Variants in PHACTR1 observed in about 807,000 individuals in gnomAD.
PHACTR1 encodes the protein phosphatase and actin regulator 1, also known as RPEL repeat containing 1.
A neutral mutation model predicts 69.2 loss-of-function variants in PHACTR1; 16 were observed. The ratio of observed to expected loss-of-function variants is 0.23; its 90% CI spans 0.16 to 0.35. The LOEUF (loss-of-function observed/expected upper bound fraction) is 0.35. Ranked by LOEUF, PHACTR1 falls within the 10% of genes least tolerant of loss-of-function variation. The pLI, the probability that PHACTR1 is intolerant of heterozygous loss-of-function variation, is 1.00. For synonymous variants in PHACTR1, 312 were observed against 284.5 expected, an observed-to-expected ratio of 1.10 and a Z score of -0.97; for missense variants, 510 against 734.7, an observed-to-expected ratio of 0.69 and a Z score of 3.54.
Position 13,245,220 on chromosome 6 carries a change from G to A in PHACTR1, c.1391+15027G>A, listed in dbSNP as rs370894385. On this transcript the variant is annotated intron_variant, in intron 10 of 14. Transcript: ENST00000332995. This position sits in a 1 kb window ranked among gnomAD's most constrained non-coding sequence, Gnocchi z 4.1. ...TACCCAGTAACGGGATTGCAAGGTCGACGGGTAATTCTGTTTTAAGTTCTT... is the reference window on the plus strand; with the variant it reads ...TACCCAGTAACGGGATTGCAAGGTCAACGGGTAATTCTGTTTTAAGTTCTT... Among the ~76,000 whole-genome samples the A allele has an allele frequency of 1.8e-4, 27 of 152,186 alleles. No homozygotes were observed. Among genetic ancestry groups the A allele is most frequent in the African/African-American group, 3.6e-4 (15 of 41,432 alleles).
At chr6:13,184,648 C>T (rs1318140601) in intron 7 of PHACTR1, 2 of 448,902 alleles carry the variant, frequency 4.5e-6, no homozygotes, top group Non-Finnish European at 8.0e-6. Flanking sequence ...TTCTGGCCTC[C>T]TCGCTGTAGC....
At chr6:12,858,179 C>T (rs1256777583) in intron 4 of PHACTR1, among the ~76,000 whole-genome samples, 4 of 152,262 alleles carry the variant, frequency 2.6e-5, no homozygotes, top group East Asian at 1.9e-4. Flanking sequence ...AGGGACCTCA[C>T]GAGGTGACAT....
chr6:13,247,355 G>A (rs955945868), intron 10 of PHACTR1, among the ~76,000 whole-genome samples: 2 of 151,380 alleles, frequency 1.3e-5, no homozygotes, highest in Non-Finnish European at 2.9e-5. Context: ...GTGTGTGTGT[G>A]TGTGTGTGTG....
chr6:13,137,176 A>G (rs964449955), intron 5 of PHACTR1, among the ~76,000 whole-genome samples: 6 of 152,214 alleles, frequency 3.9e-5, no homozygotes, highest in Non-Finnish European at 5.9e-5. Context: ...ATTGGGGCAA[A>G]TTAGTCACTA....
chr6:13,067,174 T>C (rs955644008), intron 5 of PHACTR1, among the ~76,000 whole-genome samples: 5 of 152,242 alleles, frequency 3.3e-5, no homozygotes, highest in African/African-American at 1.2e-4. Flanking sequence ...GTATGAAATA[T>C]ACTTGACCCT....
Position 12,901,637 on chromosome 6 carries a change from G to A in PHACTR1, c.251-151728G>A, listed in dbSNP as rs573269091. 1.6e-3 allele frequency among the ~76,000 whole-genome samples: 250 copies of A among 152,222 alleles called. 2 individuals carry two copies. Among genetic ancestry groups the A allele is most frequent in the African/African-American group, 5.9e-3 (243 of 41,524 alleles). Reference sequence around the variant, plus strand: ...AGCCTCCCGAGTAGCTGGGATTACCGGCGCCCGCCACCATGCCTGACTAAT... The same window carrying A: ...AGCCTCCCGAGTAGCTGGGATTACCAGCGCCCGCCACCATGCCTGACTAAT... On this transcript the variant is annotated intron_variant, in intron 4 of 14. Transcript: ENST00000332995.
intron 4 of PHACTR1, among the ~76,000 whole-genome samples, chr6:13,003,492 G>A (rs1380338596): frequency 6.6e-6 from 1 of 152,074 alleles, no homozygotes; most frequent in African/African-American, 2.4e-5. Context: ...TAGATAGATG[G>A]ATAGATAGAT....
At chr6:13,024,697 C>T (rs1354677970) in intron 4 of PHACTR1, among the ~76,000 whole-genome samples, 1 of 152,138 alleles carries the variant, frequency 6.6e-6, no homozygotes, top group African/African-American at 2.4e-5. Flanking sequence ...ATTATTCATG[C>T]ACTATTAAGC....
chr6:13,189,546 A>G (rs1763236106), intron 7 of PHACTR1, among the ~76,000 whole-genome samples: 1 of 151,916 alleles, frequency 6.6e-6, no homozygotes, highest in African/African-American at 2.4e-5. Context: ...CTACAGGCAC[A>G]TGCCACCACG....
chr6:12,967,580 C>T (rs2127576684), intron 4 of PHACTR1, among the ~76,000 whole-genome samples: 1 of 152,324 alleles, frequency 6.6e-6, no homozygotes, highest in East Asian at 1.9e-4. Context: ...AACTGTAACT[C>T]TTAGGTGAGT....
At chr6:13,009,860 GCCACCACCA>G (rs142689950) in intron 4 of PHACTR1, among the ~76,000 whole-genome samples, 102 of 145,598 alleles carry the variant, frequency 7.0e-4, no homozygotes, top group African/African-American at 2.5e-3. Flanking sequence ...TCCCTACACT[GCCACCACCA>G]CCACCACCAC....
chr6:12,856,255 C>T (rs71552720), intron 4 of PHACTR1, among the ~76,000 whole-genome samples: 11,429 of 135,534 alleles, frequency 0.084, 703 homozygotes, highest in African/African-American at 0.15. Flanking sequence ...TTCTTTCTTT[C>T]TTTTTTTTTT....
intron 4 of PHACTR1, among the ~76,000 whole-genome samples, chr6:12,881,940 A>T (rs1372847469): frequency 6.6e-6 from 1 of 152,178 alleles, no homozygotes. Flanking sequence ...GAAGTCAGAG[A>T]GGTGGGAAAT....
intron 4 of PHACTR1, among the ~76,000 whole-genome samples, chr6:12,757,772 A>G (rs6935071): frequency 1 from 151,834 of 152,244 alleles, 75,713 homozygotes; most frequent in Middle Eastern, 1. Flanking sequence ...AGAGAAAGAC[A>G]TGTCAAGTGT....
intron 4 of PHACTR1, among the ~76,000 whole-genome samples, chr6:12,799,713 A>G (rs1773479669): frequency 6.6e-6 from 1 of 152,218 alleles, no homozygotes; most frequent in African/African-American, 2.4e-5. Context: ...GTTAGACTTT[A>G]TGAAAATCTA....
At chr6:13,114,243 T>C (rs75898053) in intron 5 of PHACTR1, among the ~76,000 whole-genome samples, 60 of 150,506 alleles carry the variant, frequency 4.0e-4, no homozygotes, top group Non-Finnish European at 7.0e-4. Flanking sequence ...AATACAGTTA[T>C]TTTTTTTTTC....
intron 4 of PHACTR1, among the ~76,000 whole-genome samples, chr6:12,819,989 T>C (rs1438268774): frequency 6.6e-6 from 1 of 152,152 alleles, no homozygotes; most frequent in African/African-American, 2.4e-5. Context: ...ACTCATTTCC[T>C]AGGAAACAAC....
At chr6:13,046,809 TAA>T (rs5874398) in intron 4 of PHACTR1, among the ~76,000 whole-genome samples, 251 of 146,172 alleles carry the variant, frequency 1.7e-3, no homozygotes, top group South Asian at 4.1e-3. Context: ...TTTTACTCTT[TAA>T]AAAAAAAAAA....
rs985092492 is a variant in PHACTR1, at chr6:12,882,704, C to T, written c.250+132914C>T. On this transcript the variant is annotated intron_variant, in intron 4 of 14. Coordinates refer to ENST00000332995, the MANE Select transcript of PHACTR1 (RefSeq NM_030948.6). Reference sequence around the variant, plus strand: ...AGACTAGCCCCCAGGTTGGAGCAAACCCTATCGCCCTTCTGGAAGGGTGGC... The same window carrying T: ...AGACTAGCCCCCAGGTTGGAGCAAATCCTATCGCCCTTCTGGAAGGGTGGC... Among the ~76,000 whole-genome samples the T allele has an allele frequency of 1.3e-4, 20 of 152,210 alleles. No homozygotes were observed. In the East Asian group the frequency reaches 1.9e-3, roughly 15 times the overall value.
Sources: gnomAD v4.1 joint callset for allele counts (sites outside exome capture counted in the v4.1 genomes callset) on GRCh38, gnomAD v4.1.1 for gene constraint, Gnocchi (gnomAD v3.1) non-coding constraint, MANE v1.5 for transcripts, NCBI Gene and HGNC (gene_info 2026-07-23, HGNC 2026-07-21) for gene names.